SIK2: variants seen among roughly 807,000 people sequenced by gnomAD.
The protein encoded by SIK2 is salt inducible kinase 2, also known as serine/threonine-protein kinase SIK2.
SIK2 carries 29 observed loss-of-function variants against 103.2 expected under a neutral mutation model. The observed-to-expected ratio is 0.28, with a 90% CI of 0.21 to 0.38. SIK2 has a LOEUF of 0.38. Ranked by LOEUF, SIK2 falls within the 10% of genes least tolerant of loss-of-function variation. SIK2 has a pLI of 1.00. For missense variants in SIK2, 879 were observed against 1,171.0 expected (o/e 0.75, Z 3.64); for synonymous variants, 412 against 446.1 (o/e 0.92, Z 0.96).
rs1565399544 is a variant in SIK2, at chr11:111,723,814, G to GCCGCCA, written c.2475_2480dup (p.Pro831_Pro832dup). 5.6e-6 allele frequency: 9 copies of GCCGCCA among 1,612,668 alleles called. No homozygotes were observed. Among genetic ancestry groups the GCCGCCA allele is most frequent in the East Asian group, 2.2e-5 (1 of 44,882 alleles). On this transcript the variant is annotated inframe_insertion, in exon 15 of 15. Coordinates refer to ENST00000304987, the MANE Select transcript of SIK2 (RefSeq NM_015191.3). ...TGCCCACGCAGCTACAGCAGCAGCA[G>GCCGCCA]CCGCCACCGCCACCACCCCCTCCAC...
intron 3 of SIK2, among the ~76,000 whole-genome samples, chr11:111,675,929 A>C (rs1273589106): frequency 6.6e-6 from 1 of 152,018 alleles, no homozygotes; most frequent in Non-Finnish European, 1.5e-5. Context: ...AGTAGACCCC[A>C]TTGTCTTTCT....
chr11:111,613,933 T>TA (rs1196849367), intron 1 of SIK2, among the ~76,000 whole-genome samples: 1 of 152,000 alleles, frequency 6.6e-6, no homozygotes, highest in Non-Finnish European at 1.5e-5. Flanking sequence ...AAGTAAAACT[T>TA]ACAGTAGAGC....
At chr11:111,666,362 G>C (rs574962913) in intron 3 of SIK2, among the ~76,000 whole-genome samples, 1 of 152,102 alleles carries the variant, frequency 6.6e-6, no homozygotes, top group Non-Finnish European at 1.5e-5. Context: ...TCTTTGTAGG[G>C]TTGGAAGAGT....
intron 14 of SIK2, 62 bp from the exon 15 acceptor site, chr11:111,723,434 A>C: frequency 6.7e-7 from 1 of 1,500,812 alleles, no homozygotes; most frequent in Non-Finnish European, 9.0e-7. Context: ...TATTGCATTT[A>C]CATTAAAATT....
chr11:111,675,365 G>A (rs1190647670), intron 3 of SIK2, among the ~76,000 whole-genome samples: 2 of 152,146 alleles, frequency 1.3e-5, no homozygotes, highest in African/African-American at 4.8e-5. Flanking sequence ...TTACAGGCAG[G>A]GAGTGAAGAA....
chr11:111,647,867 C>CA (rs1462695757), intron 3 of SIK2, among the ~76,000 whole-genome samples: 9 of 148,034 alleles, frequency 6.1e-5, no homozygotes, highest in East Asian at 3.9e-4. Context: ...GACTCTGTCT[C>CA]AAAAAAAAAG....
At chr11:111,611,085 A>AAT (rs760556410) in intron 1 of SIK2, among the ~76,000 whole-genome samples, 1 of 134,732 alleles carries the variant, frequency 7.4e-6, no homozygotes, top group South Asian at 2.2e-4. Context: ...CTCTCGACCA[A>AAT]ATGTGTGTGT....
intron 1 of SIK2, among the ~76,000 whole-genome samples, chr11:111,611,086 A>ATGTGTG (rs113893092): frequency 3.7e-3 from 332 of 89,752 alleles, no homozygotes; most frequent in African/African-American, 5.5e-3. Context: ...TCTCGACCAA[A>ATGTGTG]TGTGTGTGTG....
Position 111,617,956 on chromosome 11 carries a change from G to A in SIK2, c.252+1597G>A, listed in dbSNP as rs1197946689. ...TGTATTTTATTTTTTTTAGAGAGAG[G>A]GTCTCACTGTTGTTGCCCAGACTGG... On this transcript the variant is annotated intron_variant, in intron 2 of 14. Transcript: ENST00000304987. Among the ~76,000 whole-genome samples, 13 of 151,674 alleles carry A rather than the reference G, an allele frequency of 8.6e-5. No homozygotes were observed. The South Asian group carries it at 2.7e-3, about 32-fold the overall frequency.
At chr11:111,674,071 TAAAAAAAAAAAAG>T (rs1433824969) in intron 3 of SIK2, among the ~76,000 whole-genome samples, 10 of 136,706 alleles carry the variant, frequency 7.3e-5, no homozygotes, top group Admixed American at 4.4e-4. Context: ...AAGACTCCAT[TAAAAAAAAAAAAG>T]AAAAAAAGAA....
At chr11:111,671,293 A>G in intron 3 of SIK2, 2 of 242,600 alleles carry the variant, frequency 8.2e-6, no homozygotes, top group South Asian at 5.7e-5. Context: ...GTACTCATGC[A>G]GCTCCCACAC....
intron 3 of SIK2, among the ~76,000 whole-genome samples, chr11:111,664,230 G>T (rs1942505151): frequency 6.6e-6 from 1 of 152,084 alleles, no homozygotes; most frequent in African/African-American, 2.4e-5. Flanking sequence ...TCAGAGTTTT[G>T]GGGGGCAAAT....
chr11:111,711,703 A>T (rs1262579547), intron 8 of SIK2, among the ~76,000 whole-genome samples: 1 of 152,072 alleles, frequency 6.6e-6, no homozygotes, highest in African/African-American at 2.4e-5. Context: ...CTTACCAATA[A>T]ATATTTACCA....
rs1306773616 is a variant in SIK2, at chr11:111,727,191, G to A, written c.*3062G>A. 13 of 729,854 alleles carry A rather than the reference G, an allele frequency of 1.8e-5. No homozygotes were observed. The highest frequency in any genetic ancestry group is 1.4e-5 in the Non-Finnish European group (6 of 422,304). The allele number at this position is 729,854 out of a possible 1,614,324, so 45.2% of individuals were successfully genotyped here. On this transcript the variant is annotated 3_prime_UTR_variant, in exon 15 of 15. Coordinates refer to ENST00000304987, the MANE Select transcript of SIK2 (RefSeq NM_015191.3). ...CCTTCTGTCACCGTGGGAAAAGGAGGCTGATGGTTCTCTACACCATCCACC... is the reference window on the plus strand; with the variant it reads ...CCTTCTGTCACCGTGGGAAAAGGAGACTGATGGTTCTCTACACCATCCACC...
chr11:111,612,920 ATATATATATATAT>A (rs753954764), intron 1 of SIK2, among the ~76,000 whole-genome samples: 18 of 140,820 alleles, frequency 1.3e-4, no homozygotes, highest in South Asian at 2.1e-4. Context: ...AATGGGATAT[ATATATATATATAT>A]ATATATATAT....
intron 3 of SIK2, among the ~76,000 whole-genome samples, chr11:111,673,659 A>G (rs758023681): frequency 9.2e-5 from 14 of 152,258 alleles, no homozygotes; most frequent in Non-Finnish European, 1.8e-4. Context: ...AAGTGCCCTC[A>G]GAATTTTTGT....
chr11:111,703,137 G>A (rs1395698380), intron 6 of SIK2, 66 bp from the exon 7 acceptor site: 4 of 1,455,994 alleles, frequency 2.7e-6, no homozygotes, highest in Non-Finnish European at 3.8e-6. Context: ...AGTCACATGA[G>A]TCAAGCAAAT....
rs775218926 is a variant in SIK2, at chr11:111,701,005, A to G, written c.598A>G (p.Ile200Val). ...GCAGTATGAAGGACCACAGCTGGAC[A>G]TCTGGGTACTGCTTTGCTTTGCTGT... ...GQQYEGPQLD[I>V]WSMGVVLYVL... The change falls in exon 5 of 15, where the codon ATC (isoleucine) becomes GTC (valine). Residue 200 changes from isoleucine to valine, a missense_variant. Around this residue, in one of 7 missense-constraint regions of SIK2, gnomAD observed 126 missense variants for 245.5 expected, o/e 0.51. Transcript: ENST00000304987. The surrounding 1 kb of genome is among the most constrained non-coding windows in gnomAD (Gnocchi z 4.2). 5 of 1,613,802 alleles carry G rather than the reference A, an allele frequency of 3.1e-6. No individual in the cohort carries two copies. In the East Asian group the frequency reaches 1.1e-4, roughly 36 times the overall value.
In SIK2 at chr11:111,714,812, G is replaced by A. The variant is rs117526947; in HGVS notation, c.1266+2437G>A. On this transcript the variant is annotated intron_variant, in intron 9 of 14. Transcript: ENST00000304987. ...ATTTAGTGTCTGGGCCCCTAAGGATGAGTCCACTGCCTAGGGACAGTCTTT... is the reference window on the plus strand; with the variant it reads ...ATTTAGTGTCTGGGCCCCTAAGGATAAGTCCACTGCCTAGGGACAGTCTTT... Among the ~76,000 whole-genome samples the A allele has an allele frequency of 6.6e-3, 1,011 of 152,334 alleles. 8 individuals are homozygous for A. Among genetic ancestry groups the A allele is most frequent in the Middle Eastern group, 0.061 (18 of 294 alleles).
Sources: allele counts gnomAD v4.1 joint callset (sites outside exome capture counted in the v4.1 genomes callset), GRCh38; gene constraint gnomAD v4.1.1; regional missense constraint gnomAD v4.1.1; non-coding constraint Gnocchi (gnomAD v3.1); transcripts MANE v1.5; gene names NCBI Gene and HGNC (gene_info 2026-07-23, HGNC 2026-07-21).